Variants in WWOX observed in about 807,000 individuals in gnomAD.
WWOX encodes the protein WW domain-containing oxidoreductase.
WWOX carries 69 observed loss-of-function variants against 46.2 expected under a neutral mutation model. The ratio of observed to expected loss-of-function variants is 1.49; its 90% CI spans 1.23 to 1.82. WWOX has a LOEUF of 1.82. Ranked by LOEUF, WWOX falls within the 40% of genes most tolerant of loss-of-function variation. The pLI is 0.00. For synonymous variants in WWOX, 359 were observed against 202.6 expected (o/e 1.77, Z -6.56); for missense variants, 919 against 542.6 (o/e 1.69, Z -6.89).
chr16:78,688,933 C>T (rs115514338), intron 8 of WWOX, among the ~76,000 whole-genome samples: 2,007 of 152,218 alleles, frequency 0.013, 52 homozygotes, highest in African/African-American at 0.046. Context: ...CTTTGCTTGG[C>T]ACCTCTCCTT....
At position 79,022,692 on chromosome 16, in the gene WWOX, A is replaced by G. The variant is rs112857800; in HGVS notation, c.1057-188916A>G. 8.6e-4 allele frequency among the ~76,000 whole-genome samples: 131 copies of G among 152,282 alleles called. 3 individuals carry two copies. The highest frequency in any genetic ancestry group is 3.1e-3 in the African/African-American group (127 of 41,556). ...TATGCCAAATGATATGCACTGATGT[A>G]AGGGGCTGGAGCCCAAGAGGGAGGG... On this transcript the variant is annotated intron_variant, in intron 8 of 8. Coordinates refer to ENST00000566780, the MANE Select transcript of WWOX (RefSeq NM_016373.4).
chr16:78,903,751 C>G (rs991674788), intron 8 of WWOX, among the ~76,000 whole-genome samples: 2 of 152,182 alleles, frequency 1.3e-5, no homozygotes, highest in East Asian at 1.9e-4. Flanking sequence ...ATGCATAGTA[C>G]AGGAGCTCAG....
intron 8 of WWOX, among the ~76,000 whole-genome samples, chr16:78,435,224 C>T (rs564966864): frequency 5.3e-5 from 8 of 152,052 alleles, no homozygotes; most frequent in Non-Finnish European, 7.4e-5. Context: ...ATGAATTGGA[C>T]GAAGGTTGCA....
chr16:78,281,215 A>T (rs1285588958), intron 5 of WWOX, among the ~76,000 whole-genome samples: 1 of 152,236 alleles, frequency 6.6e-6, no homozygotes, highest in Non-Finnish European at 1.5e-5. Context: ...ATCTCCAGAG[A>T]TCTCACTCAC....
chr16:78,770,211 G>A (rs753734652), intron 8 of WWOX, among the ~76,000 whole-genome samples: 5 of 152,086 alleles, frequency 3.3e-5, no homozygotes, highest in African/African-American at 4.8e-5. Flanking sequence ...GTGAGTCGGG[G>A]TTGGTGGTGT....
intron 8 of WWOX, among the ~76,000 whole-genome samples, chr16:78,481,724 A>AGTGTGTGTGTGTGTGTGTGTGTGTGT (rs67780639): frequency 1.5e-5 from 2 of 136,970 alleles, no homozygotes; most frequent in Non-Finnish European, 3.1e-5. Flanking sequence ...GGGCAAGGGA[A>AGTGTGTGTGTGTGTGTGTGTGTGTGT]GTGTGTGTGT....
intron 8 of WWOX, among the ~76,000 whole-genome samples, chr16:78,664,596 G>A (rs1055227531): frequency 6.6e-6 from 1 of 152,168 alleles, no homozygotes; most frequent in South Asian, 2.1e-4. Context: ...TCAAAACTCT[G>A]TGTCCAGATG....
At chr16:78,818,974 A>G (rs2051419113) in intron 8 of WWOX, among the ~76,000 whole-genome samples, 1 of 152,188 alleles carries the variant, frequency 6.6e-6, no homozygotes, top group African/African-American at 2.4e-5. Flanking sequence ...TAAGCCACTT[A>G]ATCTCTCTAA....
At chr16:78,252,447 C>G (rs2038009468) in intron 5 of WWOX, among the ~76,000 whole-genome samples, 1 of 152,184 alleles carries the variant, frequency 6.6e-6, no homozygotes, top group African/African-American at 2.4e-5. Flanking sequence ...TACATACAGA[C>G]ACACACACTT....
At chr16:78,453,589 C>G (rs2083743047) in intron 8 of WWOX, among the ~76,000 whole-genome samples, 2 of 152,106 alleles carry the variant, frequency 1.3e-5, no homozygotes, top group African/African-American at 4.8e-5. Context: ...GAAAATCTGT[C>G]TAGGGTAGGG....
At chr16:78,330,213 A>G (rs1326035702) in intron 5 of WWOX, among the ~76,000 whole-genome samples, 1 of 152,222 alleles carries the variant, frequency 6.6e-6, no homozygotes, top group East Asian at 1.9e-4. Context: ...GATTTAACTT[A>G]ATAAAAACCA....
rs539360526 is a variant in WWOX, at chr16:78,840,472, T to TTGC, written c.1057-371136_1057-371135insTGC. 2.4e-3 allele frequency among the ~76,000 whole-genome samples: 364 copies of TTGC among 152,344 alleles called. 2 individuals are homozygous for TTGC. Among genetic ancestry groups the TTGC allele is most frequent in the African/African-American group, 8.4e-3 (348 of 41,570 alleles). ...AATGAAGAGGAGCGATGGCATGGCA[T>TTGC]GATCCCACTACTTAGGGAGGCTAAT... On this transcript the variant is annotated intron_variant, in intron 8 of 8. Transcript: ENST00000566780.
Position 78,687,725 on chromosome 16 carries a change from C to T in WWOX, c.1056+254973C>T, listed in dbSNP as rs376553730. On this transcript the variant is annotated intron_variant, in intron 8 of 8. Coordinates refer to ENST00000566780, the MANE Select transcript of WWOX (RefSeq NM_016373.4). ...AGATCTAACTTGCTTCATTTTTAGGCATTATGTTATTCTAAATTAACACTG... is the reference window on the plus strand; with the variant it reads ...AGATCTAACTTGCTTCATTTTTAGGTATTATGTTATTCTAAATTAACACTG... Among the ~76,000 whole-genome samples, 5 of 152,298 alleles carry T rather than the reference C, an allele frequency of 3.3e-5. No homozygotes were observed. The South Asian group carries it at 8.3e-4, about 25-fold the overall frequency.
intron 4 of WWOX, among the ~76,000 whole-genome samples, chr16:78,142,194 A>G (rs1285982566): frequency 6.6e-6 from 1 of 152,158 alleles, no homozygotes; most frequent in Non-Finnish European, 1.5e-5. Context: ...TGGAAGCAAC[A>G]TGGTCAATAT....
At chr16:78,608,720 C>A (rs955422973) in intron 8 of WWOX, among the ~76,000 whole-genome samples, 4 of 152,160 alleles carry the variant, frequency 2.6e-5, no homozygotes, top group Non-Finnish European at 4.4e-5. Flanking sequence ...CTTTACAGTT[C>A]CCAGCTGCTC....
At chr16:78,507,993 C>CGTGTGTGTGTGT (rs370434842) in intron 8 of WWOX, among the ~76,000 whole-genome samples, 17 of 145,546 alleles carry the variant, frequency 1.2e-4, no homozygotes, top group African/African-American at 3.3e-4. Flanking sequence ...TTTTTGGTTG[C>CGTGTGTGTGTGT]GTGCGTGTGT....
At chr16:78,621,154 T>C (rs1258128208) in intron 8 of WWOX, among the ~76,000 whole-genome samples, 3 of 152,138 alleles carry the variant, frequency 2.0e-5, no homozygotes, top group African/African-American at 4.8e-5. Context: ...AGAAACCAGA[T>C]GGTTTTAACT....
chr16:79,073,380 A>G (rs186722304), intron 8 of WWOX, among the ~76,000 whole-genome samples: 1 of 151,940 alleles, frequency 6.6e-6, no homozygotes, highest in African/African-American at 2.4e-5. Flanking sequence ...GGGTTTCACC[A>G]TGTTGGCCAG....
chr16:79,122,438 C>T (rs2150678380), intron 8 of WWOX, among the ~76,000 whole-genome samples: 1 of 152,238 alleles, frequency 6.6e-6, no homozygotes, highest in East Asian at 1.9e-4. Flanking sequence ...GCAAGCACGG[C>T]ATCTCTTCTT....
Sources: allele counts gnomAD v4.1 joint callset (sites outside exome capture counted in the v4.1 genomes callset), GRCh38; gene constraint gnomAD v4.1.1; transcripts MANE v1.5; gene names NCBI Gene and HGNC (gene_info 2026-07-23, HGNC 2026-07-21).